Variants in COL25A1 observed in about 807,000 individuals in gnomAD.
COL25A1 encodes the protein collagen type XXV alpha 1 chain, also known as collagen alpha-1(XXV) chain.
Under a neutral mutation model 128.4 loss-of-function variants are expected in COL25A1, and 103 were observed. The ratio of observed to expected loss-of-function variants is 0.80; its 90% CI spans 0.68 to 0.94. The LOEUF (loss-of-function observed/expected upper bound fraction) is 0.94. Among genes scored for constraint, COL25A1 ranks in the 40% least tolerant of loss-of-function variants. The pLI, the probability that COL25A1 is intolerant of heterozygous loss-of-function variation, is 0.00. For missense variants in COL25A1, 745 were observed against 840.0 expected (o/e 0.89, Z 1.40); for synonymous variants, 279 against 277.2 (o/e 1.01, Z -0.06).
At chr4:109,018,180 T>C (rs1757389839) in intron 5 of COL25A1, among the ~76,000 whole-genome samples, 1 of 152,106 alleles carries the variant, frequency 6.6e-6, no homozygotes, top group Non-Finnish European at 1.5e-5. Context: ...TGAGGGCCAA[T>C]AGGAGTCCTG....
intron 3 of COL25A1, among the ~76,000 whole-genome samples, chr4:109,237,013 G>C (rs1262966664): frequency 1.3e-5 from 2 of 151,982 alleles, no homozygotes; most frequent in Non-Finnish European, 2.9e-5. Context: ...TATCTCATAA[G>C]CATGTAAAAT....
At chr4:108,999,000 A>T (rs1755065047) in intron 6 of COL25A1, among the ~76,000 whole-genome samples, 1 of 152,240 alleles carries the variant, frequency 6.6e-6, no homozygotes, top group Non-Finnish European at 1.5e-5. Flanking sequence ...AAGACCTAAC[A>T]TCATAAAAAT....
chr4:109,074,155 C>T (rs1763210547), intron 3 of COL25A1, among the ~76,000 whole-genome samples: 2 of 152,152 alleles, frequency 1.3e-5, no homozygotes, highest in Admixed American at 1.3e-4. Flanking sequence ...ATTCCCGCTC[C>T]TATAAGAATC....
chr4:108,886,477 TGTGTGTGTGTG>T lies in COL25A1; in HGVS notation c.976-2266_976-2256del, dbSNP rs1560806287. ...GTGTGTGTGTGTGTGTGTGTGTGTGTGTGTGTGTGTGTGTGTTTAGCTCATCAGCTATTTTA... is the reference window on the plus strand; with the variant it reads ...GTGTGTGTGTGTGTGTGTGTGTGTGTTGTGTTTAGCTCATCAGCTATTTTA... On this transcript the variant is annotated intron_variant, in intron 18 of 37. Transcript: ENST00000399132. 6.2e-5 allele frequency among the ~76,000 whole-genome samples: 8 copies of T among 130,044 alleles called. 1 individual carries two copies. In the East Asian group the frequency reaches 1.1e-3, roughly 18 times the overall value. The allele number at this position is 130,044 out of a possible 152,430, so 85.3% of individuals were successfully genotyped here.
intron 15 of COL25A1, among the ~76,000 whole-genome samples, chr4:108,896,961 A>G (rs1266132473): frequency 4.6e-5 from 7 of 152,202 alleles, no homozygotes; most frequent in Admixed American, 3.3e-4. Flanking sequence ...CTGTCTTCCA[A>G]TGCCTTATTT....
intron 5 of COL25A1, chr4:109,022,333 C>T (rs952676040): frequency 2.1e-5 from 7 of 328,248 alleles, no homozygotes; most frequent in South Asian, 7.4e-5. Context: ...TGATATCAAC[C>T]ATCTTAAAGG....
rs1328332376 is a variant in COL25A1, at chr4:109,301,714, C to T, written c.297+9G>A. On this transcript the variant is annotated intron_variant, in intron 2 of 37. Transcript: ENST00000399132. ...TTACCCACGTGCAAAATACCCCAGC[C>T]TCTCACACCTGAGCCAGAAGTCGCT... 3 of 1,608,966 alleles carry T rather than the reference C, an allele frequency of 1.9e-6. No homozygotes were observed. The South Asian group carries it at 3.3e-5, about 18-fold the overall frequency.
intron 6 of COL25A1, among the ~76,000 whole-genome samples, chr4:109,007,421 T>A (rs914760406): frequency 6.6e-6 from 1 of 152,174 alleles, no homozygotes; most frequent in African/African-American, 2.4e-5. Flanking sequence ...ATTATGATAA[T>A]GATGTAGGCA....
chr4:108,824,028 C>T, intron 35 of COL25A1, 146 bp downstream of exon 35: 2 of 1,609,922 alleles, frequency 1.2e-6, no homozygotes, highest in South Asian at 1.1e-5. Context: ...TCTCTGAAGA[C>T]CTGATTCCTT....
At chr4:109,063,659 T>C (rs1156241397) in intron 3 of COL25A1, among the ~76,000 whole-genome samples, 1 of 152,094 alleles carries the variant, frequency 6.6e-6, no homozygotes, top group Non-Finnish European at 1.5e-5. Context: ...GGCAAAACAG[T>C]GGGACCTTGT....
chr4:108,849,786 C>T (rs1263096146), intron 26 of COL25A1, among the ~76,000 whole-genome samples: 1 of 152,112 alleles, frequency 6.6e-6, no homozygotes, highest in African/African-American at 2.4e-5. Context: ...TCTAGAAAGG[C>T]CTGTTTGGTG....
chr4:109,017,579 T>G (rs1757335788), intron 5 of COL25A1, among the ~76,000 whole-genome samples: 1 of 152,252 alleles, frequency 6.6e-6, no homozygotes, highest in South Asian at 2.1e-4. Flanking sequence ...ACTTTTTTTA[T>G]GGATGGTAAA....
In COL25A1 at chr4:108,893,551, C is replaced by T. The variant is rs76472059; in HGVS notation, c.906+3116G>A. 4.8e-3 allele frequency among the ~76,000 whole-genome samples: 726 copies of T among 152,088 alleles called. 8 individuals are homozygous for T. The highest frequency in any genetic ancestry group is 0.017 in the African/African-American group (694 of 41,482). ...AGAAAACCCAGCCTAGTGGTTTTTA[C>T]AGTTCCACAGTATTTCCAGATGACC... On this transcript the variant is annotated intron_variant, in intron 16 of 37. Coordinates refer to ENST00000399132, the MANE Select transcript of COL25A1 (RefSeq NM_198721.4).
At chr4:109,295,233 A>G (rs765410222) in intron 3 of COL25A1, among the ~76,000 whole-genome samples, 2 of 152,126 alleles carry the variant, frequency 1.3e-5, no homozygotes, top group Admixed American at 6.6e-5. Context: ...AAACAAGAAC[A>G]TTGCTTCAAG....
At chr4:108,955,305 T>C (rs1749943290) in intron 8 of COL25A1, among the ~76,000 whole-genome samples, 1 of 152,144 alleles carries the variant, frequency 6.6e-6, no homozygotes, top group South Asian at 2.1e-4. Context: ...CTTTAATTGT[T>C]CAATTGTCCA....
intron 3 of COL25A1, among the ~76,000 whole-genome samples, chr4:109,137,615 A>C (rs2126079649): frequency 6.6e-6 from 1 of 152,314 alleles, no homozygotes; most frequent in East Asian, 1.9e-4. Context: ...ATAAAAGCAG[A>C]AGCTAAGTAT....
chr4:109,276,456 C>T (rs1350219068), intron 3 of COL25A1, among the ~76,000 whole-genome samples: 2 of 151,196 alleles, frequency 1.3e-5, no homozygotes, highest in Admixed American at 1.3e-4. Flanking sequence ...ACATCTAACA[C>T]AGTACTTGCC....
chr4:109,263,329 T>A (rs1781572623), intron 3 of COL25A1, among the ~76,000 whole-genome samples: 1 of 152,154 alleles, frequency 6.6e-6, no homozygotes, highest in Non-Finnish European at 1.5e-5. Flanking sequence ...TTATCCCAGT[T>A]AATGACAAAG....
rs916379333 is a variant in COL25A1 at position 109,008,940 on chromosome 4, G to A, written c.438+1418C>T. 4.6e-5 allele frequency among the ~76,000 whole-genome samples: 7 copies of A among 152,058 alleles called. No homozygotes were observed. In the South Asian group the frequency reaches 6.2e-4, roughly 14 times the overall value. ...GTTCAAGACCAGCCTGGCCAACATG[G>A]TGAAACCTCATCTCCACTAAAAATA... On this transcript the variant is annotated intron_variant, in intron 6 of 37. Transcript: ENST00000399132.
Sources: allele counts gnomAD v4.1 joint callset (sites outside exome capture counted in the v4.1 genomes callset), GRCh38; gene constraint gnomAD v4.1.1; transcripts MANE v1.5; gene names NCBI Gene and HGNC (gene_info 2026-07-23, HGNC 2026-07-21).